The following CLNK variants were observed in gnomAD, a reference collection of about 807,000 sequenced individuals.
The protein encoded by CLNK is cytokine-dependent hematopoietic cell linker.
CLNK carries 74 observed loss-of-function variants against 68.6 expected under a neutral mutation model. That is an observed-to-expected ratio of 1.08 (90% CI 0.89 to 1.31). The LOEUF is 1.31. Ranked by LOEUF, CLNK falls within the 50% of genes most tolerant of loss-of-function variation. The pLI, the probability that CLNK is intolerant of heterozygous loss-of-function variation, is 0.00. For synonymous variants in CLNK, 198 were observed against 172.2 expected (o/e 1.15, Z -1.17); for missense variants, 553 against 515.3 (o/e 1.07, Z -0.71).
At chr4:10,666,351 T>C (rs73810383) in intron 2 of CLNK, among the ~76,000 whole-genome samples, 147 of 152,356 alleles carry the variant, frequency 9.6e-4, no homozygotes, top group African/African-American at 3.4e-3. Flanking sequence ...TATCCTATAA[T>C]GAAACTGCCA....
chr4:10,646,829 T>A (rs926688958), intron 2 of CLNK, among the ~76,000 whole-genome samples: 5 of 152,216 alleles, frequency 3.3e-5, no homozygotes, highest in African/African-American at 9.6e-5. Context: ...TATGCACATG[T>A]TCCTAGAGCA....
chr4:10,602,617 T>C (rs979348197), intron 2 of CLNK, among the ~76,000 whole-genome samples: 34 of 152,214 alleles, frequency 2.2e-4, no homozygotes, highest in African/African-American at 8.0e-4. Context: ...GATTTCAGAC[T>C]TCTGGACTCC....
chr4:10,618,394 G>A (rs920737799), intron 2 of CLNK, among the ~76,000 whole-genome samples: 1 of 152,040 alleles, frequency 6.6e-6, no homozygotes, highest in Non-Finnish European at 1.5e-5. Context: ...ACCATAAATG[G>A]GTATAAGAAA....
At chr4:10,726,004 G>C in the CLNK span, among the ~76,000 whole-genome samples, 2 of 152,200 alleles carry the variant, frequency 1.3e-5, no homozygotes, top group African/African-American at 4.8e-5. Context: ...CAGTTCTGGG[G>C]ACCAGAGGCT....
chr4:10,581,922 G>T (rs1299054348), intron 4 of CLNK, among the ~76,000 whole-genome samples: 2 of 152,100 alleles, frequency 1.3e-5, no homozygotes, highest in Admixed American at 6.5e-5. Flanking sequence ...CTAAAGAATG[G>T]CCCAGAACTA....
intron 2 of CLNK, among the ~76,000 whole-genome samples, chr4:10,622,460 T>C (rs1228613075): frequency 1.3e-5 from 2 of 152,216 alleles, no homozygotes; most frequent in Non-Finnish European, 2.9e-5. Context: ...CAACAACTCA[T>C]GGCTAACTGC....
chr4:10,719,996 T>A, the CLNK span, among the ~76,000 whole-genome samples: 1 of 151,702 alleles, frequency 6.6e-6, no homozygotes, highest in Admixed American at 6.6e-5. Context: ...GAAAAAAAAA[T>A]TCATTGAGTT....
At chr4:10,669,137 A>G (rs945929374) in intron 1 of CLNK, among the ~76,000 whole-genome samples, 55 of 152,278 alleles carry the variant, frequency 3.6e-4, no homozygotes, top group African/African-American at 1.2e-3. Flanking sequence ...TCATCTATCC[A>G]TTCATTCACT....
At chr4:10,520,699 G>T (rs1718025137) in intron 15 of CLNK, 92 bp downstream of exon 15, 1 of 877,792 alleles carries the variant, frequency 1.1e-6, no homozygotes, top group Non-Finnish European at 1.9e-6. Flanking sequence ...CAGCTCAGTG[G>T]CTCTGGGGTT....
At chr4:10,658,868 T>C (rs1019607011) in intron 2 of CLNK, among the ~76,000 whole-genome samples, 4 of 152,162 alleles carry the variant, frequency 2.6e-5, no homozygotes, top group Non-Finnish European at 4.4e-5. Context: ...GAAAAGCATG[T>C]GGGGTGGGAT....
intron 2 of CLNK, among the ~76,000 whole-genome samples, chr4:10,663,648 A>G (rs1483240196): frequency 6.6e-6 from 1 of 152,234 alleles, no homozygotes; most frequent in African/African-American, 2.4e-5. Flanking sequence ...ATGTACATAT[A>G]CAATATATAT....
rs1247774247 is a variant in CLNK, at chr4:10,537,611, TTCTC to T, written c.602+2879_602+2882del. ...TCCCTCCCTCCCTGTCTTTCTCCCTTTCTCTCTCTCTTTCTTTCTTTCTTTCTCT... is the reference window on the plus strand; with the variant it reads ...TCCCTCCCTCCCTGTCTTTCTCCCTTTCTCTCTTTCTTTCTTTCTTTCTCT... On this transcript the variant is annotated intron_variant, in intron 11 of 18. Coordinates refer to ENST00000226951, the MANE Select transcript of CLNK (RefSeq NM_052964.4). Among the ~76,000 whole-genome samples, 535 of 143,930 alleles carry T rather than the reference TTCTC, an allele frequency of 3.7e-3. 3 individuals are homozygous for T. The highest frequency in any genetic ancestry group is 6.5e-3 in the Non-Finnish European group (433 of 66,344). 94.4% of individuals were successfully genotyped at this position (143,930 alleles called of 152,430 possible).
chr4:10,509,390 T>G (rs1717467345), intron 16 of CLNK, among the ~76,000 whole-genome samples: 1 of 152,098 alleles, frequency 6.6e-6, no homozygotes, highest in Non-Finnish European at 1.5e-5. Context: ...CAGACAAAAG[T>G]GCTTGTACTC....
intron 2 of CLNK, among the ~76,000 whole-genome samples, chr4:10,655,631 G>A (rs933926194): frequency 7.1e-6 from 1 of 140,800 alleles, no homozygotes; most frequent in Non-Finnish European, 1.5e-5. Context: ...AGGAGGGATA[G>A]ATAGCATTTT....
chr4:10,620,263 C>T (rs922538163), intron 2 of CLNK, among the ~76,000 whole-genome samples: 1 of 152,198 alleles, frequency 6.6e-6, no homozygotes, highest in Non-Finnish European at 1.5e-5. Flanking sequence ...TAACTAACTT[C>T]GTTCCCGAGA....
chr4:10,564,838 C>T, intron 6 of CLNK, 61 bp from the exon 7 acceptor site: 1 of 1,021,532 alleles, frequency 9.8e-7, no homozygotes, highest in Non-Finnish European at 1.5e-6. Flanking sequence ...TTACAATTTA[C>T]AAAGTATTTG....
At chr4:10,717,179 A>G in the CLNK span, among the ~76,000 whole-genome samples, 1 of 152,176 alleles carries the variant, frequency 6.6e-6, no homozygotes, top group Non-Finnish European at 1.5e-5. Flanking sequence ...TTGCCAGGCA[A>G]TAAAAAGCCC....
At chr4:10,542,307 A>T in intron 8 of CLNK, 27 bp from the exon 9 acceptor site, 1 of 1,477,128 alleles carries the variant, frequency 6.8e-7, no homozygotes, top group Non-Finnish European at 9.3e-7. Context: ...AATAGCAGTG[A>T]ATTTATGGAA....
intron 7 of CLNK, among the ~76,000 whole-genome samples, chr4:10,561,881 G>A (rs1719899985): frequency 6.6e-6 from 1 of 152,158 alleles, no homozygotes; most frequent in Admixed American, 6.5e-5. Context: ...TATTTTTAAA[G>A]CTTGAGTTCA....
Sources: gnomAD v4.1 joint callset for allele counts (sites outside exome capture counted in the v4.1 genomes callset) on GRCh38, gnomAD v4.1.1 for gene constraint, MANE v1.5 for transcripts, NCBI Gene and HGNC (gene_info 2026-07-23, HGNC 2026-07-21) for gene names.